The following ZBTB40 variants were observed in gnomAD, a reference collection of about 807,000 sequenced individuals.
The protein encoded by ZBTB40 is zinc finger and BTB domain containing 40, also known as zinc finger and BTB domain-containing protein 40.
Under a neutral mutation model 117.5 loss-of-function variants are expected in ZBTB40, and 60 were observed. The observed-to-expected ratio is 0.51, with a 90% CI of 0.41 to 0.63. The LOEUF is 0.63. Among genes scored for constraint, ZBTB40 ranks in the 30% least tolerant of loss-of-function variants. ZBTB40 has a pLI of 0.00. For synonymous variants in ZBTB40, 525 were observed against 577.1 expected, an observed-to-expected ratio of 0.91 and a Z score of 1.29; for missense variants, 1,287 against 1,498.5, an observed-to-expected ratio of 0.86 and a Z score of 2.33.
chr1:22,451,462 C>T (rs1640866983), upstream of ZBTB40, among the ~76,000 whole-genome samples: 2 of 151,934 alleles, frequency 1.3e-5, no homozygotes, highest in African/African-American at 4.8e-5. Flanking sequence ...TGGTGACATC[C>T]TGTCTCTACT....
intron 13 of ZBTB40, 121 bp from the exon 14 acceptor site, chr1:22,519,940 A>G (rs1403504629): frequency 5.5e-6 from 5 of 902,964 alleles, no homozygotes; most frequent in Non-Finnish European, 9.2e-6. Context: ...CCTGCCTGTT[A>G]CGTAAAGCAG....
At position 22,507,967 on chromosome 1, in the gene ZBTB40, A is replaced by G; in HGVS notation, c.1361-34A>G. Reference sequence around the variant, plus strand: ...AGTCTTCTGTAGGAGGTTTTGTTGCATCAAACATTATTGTTTTGCTAATAT... The same window carrying G: ...AGTCTTCTGTAGGAGGTTTTGTTGCGTCAAACATTATTGTTTTGCTAATAT... On this transcript the variant is annotated intron_variant, in intron 6 of 17. Coordinates refer to ENST00000375647, the MANE Select transcript of ZBTB40 (RefSeq NM_014870.4). The G allele has an allele frequency of 3.1e-6, 5 of 1,614,082 alleles. No individual in the cohort carries two copies. In the Middle Eastern group the frequency reaches 5.0e-4, roughly 160 times the overall value.
Position 22,490,066 on chromosome 1 carries a change from CT to C in ZBTB40, c.120del (p.Val41SerfsTer26). The C allele has an allele frequency of 6.2e-7, 1 of 1,614,204 alleles. No homozygotes were observed. The highest frequency in any genetic ancestry group is 8.5e-7 in the Non-Finnish European group (1 of 1,180,036). On this transcript the variant is annotated frameshift_variant, in exon 2 of 18. Transcript: ENST00000375647. LOFTEE classifies it high-confidence loss of function. ...TACCATTTACTTCAGGGCTCACAAG[CT>C]TGTCCTGGCTGCTGCCAGCCTCCTG... Reference protein sequence around the residue: ...IGTIYFRAHKLVLAAASLLFK... With the variant: ...IGTIYFRAHKXVLAAASLLFK...
rs959969010 is a variant in ZBTB40 at position 22,531,144 on chromosome 1, T to G, written c.*4748T>G. ...TTTTAGCTTTTATTAATAAAAGTTTTTGGCATACAAGTCAACTATTCCCTG... is the reference window on the plus strand; with the variant it reads ...TTTTAGCTTTTATTAATAAAAGTTTGTGGCATACAAGTCAACTATTCCCTG... On this transcript the variant is annotated 3_prime_UTR_variant, in exon 18 of 18. Coordinates refer to ENST00000375647, the MANE Select transcript of ZBTB40 (RefSeq NM_014870.4). 1 of 152,364 alleles carries G rather than the reference T, an allele frequency of 6.6e-6. No homozygotes were observed. 9.4% of individuals were successfully genotyped at this position (152,364 alleles called of 1,614,324 possible). A position where few individuals can be genotyped will look rare whatever the true frequency, so the allele number is the denominator to read the frequency against.
chr1:22,446,432 A>T (rs963123228), intron 1 of ZBTB40, among the ~76,000 whole-genome samples: 2 of 152,042 alleles, frequency 1.3e-5, no homozygotes, highest in Non-Finnish European at 2.9e-5. Context: ...AATACCAAGT[A>T]TGATAAATGC....
intron 1 of ZBTB40, among the ~76,000 whole-genome samples, chr1:22,438,736 T>A (rs924135925): frequency 6.6e-6 from 1 of 152,240 alleles, no homozygotes; most frequent in Non-Finnish European, 1.5e-5. Flanking sequence ...TGACACGGTA[T>A]CTCATTGAAG....
At chr1:22,525,182 G>T (rs1329090441) in intron 17 of ZBTB40, among the ~76,000 whole-genome samples, 1 of 152,172 alleles carries the variant, frequency 6.6e-6, no homozygotes, top group Non-Finnish European at 1.5e-5. Flanking sequence ...ACACTCTGCT[G>T]TCATATCAAC....
intron 16 of ZBTB40, among the ~76,000 whole-genome samples, chr1:22,523,255 T>C (rs1639589622): frequency 6.6e-6 from 1 of 152,224 alleles, no homozygotes; most frequent in African/African-American, 2.4e-5. Flanking sequence ...CCAGCCAAGA[T>C]GTACCATTTT....
intron 3 of ZBTB40, among the ~76,000 whole-genome samples, chr1:22,494,157 C>T (rs1202281476): frequency 6.6e-6 from 1 of 152,090 alleles, no homozygotes; most frequent in Non-Finnish European, 1.5e-5. Flanking sequence ...ACCTTGAAAC[C>T]CCCTTTTCAC....
intron 16 of ZBTB40, among the ~76,000 whole-genome samples, chr1:22,523,230 C>T (rs895121542): frequency 6.6e-6 from 1 of 151,978 alleles, no homozygotes; most frequent in Non-Finnish European, 1.5e-5. Flanking sequence ...GGATTACAGG[C>T]GTGAGCCACT....
At chr1:22,480,977 A>G (rs1019912321) in intron 1 of ZBTB40, among the ~76,000 whole-genome samples, 6 of 152,272 alleles carry the variant, frequency 3.9e-5, no homozygotes, top group African/African-American at 1.2e-4. Context: ...GCCTGAAGCT[A>G]CATTTGCAGT....
At chr1:22,442,010 A>G (rs537682553) in intron 1 of ZBTB40, among the ~76,000 whole-genome samples, 3 of 151,844 alleles carry the variant, frequency 2.0e-5, no homozygotes, top group Admixed American at 6.6e-5. Context: ...TTTCTCTTCT[A>G]ATGTTTTCTT....
Position 22,511,730 on chromosome 1 carries a change from T to A in ZBTB40, c.2057T>A (p.Phe686Tyr). The A allele has an allele frequency of 1.9e-6, 3 of 1,607,020 alleles. No homozygotes were observed. The highest frequency in any genetic ancestry group is 2.5e-6 in the Non-Finnish European group (3 of 1,178,188). The part of the protein sequence containing the change: ...EKETWKVSNK[F>Y]HLEANNKEDE... ...GAAACGTGGAAGGTGAGTAATAAAT[T>A]TCACCTTGAAGCCAACAACAAAGAA... The change falls in exon 11 of 18, where the codon TTT becomes TAT. Residue 686 changes from phenylalanine to tyrosine, a missense_variant. Phe to Tyr is a conservative substitution (Grantham distance 22). Coordinates refer to ENST00000375647, the MANE Select transcript of ZBTB40 (RefSeq NM_014870.4).
At position 22,530,883 on chromosome 1, in the gene ZBTB40, C is replaced by T. The variant is rs1162215514; in HGVS notation, c.*4487C>T. 1.3e-5 allele frequency: 2 copies of T among 152,088 alleles called. 1 individual carries two copies. The highest frequency in any genetic ancestry group is 2.9e-5 in the Non-Finnish European group (2 of 68,036). The allele number at this position is 152,088 out of a possible 1,614,324, so 9.4% of individuals were successfully genotyped here. A position where few individuals can be genotyped will look rare whatever the true frequency, so the allele number is the denominator to read the frequency against. On this transcript the variant is annotated 3_prime_UTR_variant, in exon 18 of 18. Coordinates refer to ENST00000375647, the MANE Select transcript of ZBTB40 (RefSeq NM_014870.4). ...GTCACTTGGAGTCTCATTCCTAAACCCTCCTTCCCAGGGAGCAAGTGTGGG... is the reference window on the plus strand; with the variant it reads ...GTCACTTGGAGTCTCATTCCTAAACTCTCCTTCCCAGGGAGCAAGTGTGGG...
chr1:22,491,183 C>A (rs1201137061), intron 2 of ZBTB40, among the ~76,000 whole-genome samples: 1 of 152,214 alleles, frequency 6.6e-6, no homozygotes, highest in Non-Finnish European at 1.5e-5. Flanking sequence ...GCGTGAGCCA[C>A]CGTGCCCTGC....
At position 22,433,203 on chromosome 1, in the gene ZBTB40, G is replaced by A. The variant is rs1640620209; in HGVS notation, c.-70+4189G>A. Among the ~76,000 whole-genome samples, 6 of 151,854 alleles carry A rather than the reference G, an allele frequency of 4.0e-5. No individual in the cohort carries two copies. The South Asian group carries it at 1.2e-3, about 32-fold the overall frequency. On this transcript the variant is annotated intron_variant, in intron 1 of 8. Transcript: ENST00000650433. Reference sequence around the variant, plus strand: ...AATCCCAGCACTTTGGGAAGCCGAGGCAGGTGGATCACGAGGTCAGGAGAT... The same window carrying A: ...AATCCCAGCACTTTGGGAAGCCGAGACAGGTGGATCACGAGGTCAGGAGAT...
At chr1:22,509,351 C>A in intron 9 of ZBTB40, 118 bp downstream of exon 9, 1 of 1,437,754 alleles carries the variant, frequency 7.0e-7, no homozygotes, top group African/African-American at 1.4e-5. Context: ...CTTTTTTTTT[C>A]CTTTTTCTCT....
intron 1 of ZBTB40, among the ~76,000 whole-genome samples, chr1:22,475,068 G>A (rs1010156792): frequency 2.0e-5 from 3 of 152,246 alleles, no homozygotes; most frequent in African/African-American, 7.2e-5. Context: ...CGAAGACCTT[G>A]ATCAAGAATT....
intron 1 of ZBTB40, among the ~76,000 whole-genome samples, chr1:22,474,042 T>C (rs1052895875): frequency 6.6e-6 from 1 of 152,108 alleles, no homozygotes; most frequent in Non-Finnish European, 1.5e-5. Context: ...ACAACAGAGC[T>C]CACTAGACAG....
Sources: gnomAD v4.1 joint callset for allele counts (sites outside exome capture counted in the v4.1 genomes callset) on GRCh38, gnomAD v4.1.1 for gene constraint, MANE v1.5 for transcripts, NCBI Gene and HGNC (gene_info 2026-07-23, HGNC 2026-07-21) for gene names.